Variants in GSE1 observed in about 807,000 individuals in gnomAD.
GSE1 encodes genetic suppressor element 1.
In GSE1, 32 loss-of-function variants were observed where a neutral mutation model predicts 112.6. The ratio of observed to expected loss-of-function variants is 0.28; its 90% CI spans 0.21 to 0.38. The LOEUF (loss-of-function observed/expected upper bound fraction) is 0.38. Among genes scored for constraint, GSE1 ranks in the 10% least tolerant of loss-of-function variants. The pLI, the probability that GSE1 is intolerant of heterozygous loss-of-function variation, is 1.00. For synonymous variants in GSE1, 1,115 were observed against 735.6 expected, an observed-to-expected ratio of 1.52 and a Z score of -8.35; for missense variants, 2,348 against 1,699.2, an observed-to-expected ratio of 1.38 and a Z score of -6.71.
intron 1 of GSE1, among the ~76,000 whole-genome samples, chr16:85,624,820 G>A (rs1031307828): frequency 2.6e-5 from 4 of 152,190 alleles, no homozygotes. Flanking sequence ...GGGACCCCAG[G>A]TACCGCCAAG....
In GSE1 at chr16:85,372,572, C is replaced by T. The variant is rs117902265; in HGVS notation, c.2464+14929C>T. Among the ~76,000 whole-genome samples the T allele has an allele frequency of 8.9e-3, 1,346 of 151,834 alleles. 10 individuals carry two copies. Among genetic ancestry groups the T allele is most frequent in the Middle Eastern group, 0.014 (4 of 288 alleles). Reference sequence around the variant, plus strand: ...AGTGCGCACCTCGTGCCCTTCTGCACGTGGGCTGGCTGCGAGGTAGTGAGC... The same window carrying T: ...AGTGCGCACCTCGTGCCCTTCTGCATGTGGGCTGGCTGCGAGGTAGTGAGC... On this transcript the variant is annotated intron_variant, in intron 2 of 2. Coordinates refer to the GSE1 transcript ENST00000637419.
intron 9 of GSE1, 44 bp downstream of exon 9, chr16:85,661,809 C>T: frequency 6.9e-7 from 1 of 1,448,748 alleles, no homozygotes; most frequent in Non-Finnish European, 9.1e-7. Flanking sequence ...GAGAGCCGCA[C>T]AGTGGGGATG....
In GSE1 at chr16:85,672,541, G is replaced by C. The variant is rs150429647; in HGVS notation, c.*2G>C. 6.2e-7 allele frequency: 1 copy of C among 1,600,008 alleles called. No individual in the cohort carries two copies. Among genetic ancestry groups the C allele is most frequent in the Non-Finnish European group, 8.6e-7 (1 of 1,169,230 alleles). ...TACCTGAAGGGATATCCCAGGTGAC[G>C]GTTTCCCTTGCACTAGGCCGAACCT... On this transcript the variant is annotated 3_prime_UTR_variant, in exon 16 of 16. Transcript: ENST00000253458.
chr16:85,523,738 A>G (rs1224951599), intron 2 of GSE1, among the ~76,000 whole-genome samples: 1 of 152,150 alleles, frequency 6.6e-6, no homozygotes, highest in South Asian at 2.1e-4. Context: ...AGACACTGAG[A>G]GTCTTAGCTG....
intron 2 of GSE1, among the ~76,000 whole-genome samples, chr16:85,360,801 A>T (rs964501406): frequency 1.4e-4 from 21 of 152,138 alleles, no homozygotes; most frequent in Admixed American, 7.2e-4. Context: ...ACATACGCAG[A>T]CACATGGGCA....
At chr16:85,320,558 G>C (rs1435277559) in intron 1 of GSE1, among the ~76,000 whole-genome samples, 4 of 152,164 alleles carry the variant, frequency 2.6e-5, no homozygotes, top group Non-Finnish European at 5.9e-5. Context: ...GCCTCCCAAA[G>C]TGCTGGGATT....
intron 2 of GSE1, among the ~76,000 whole-genome samples, chr16:85,464,833 A>C (rs916133336): frequency 2.0e-5 from 3 of 152,160 alleles, no homozygotes; most frequent in African/African-American, 7.2e-5. Context: ...GGCCTGTGTT[A>C]AGTGCTGGGT....
intron 1 of GSE1, among the ~76,000 whole-genome samples, chr16:85,315,623 G>A (rs1045509815): frequency 6.6e-6 from 1 of 152,196 alleles, no homozygotes; most frequent in South Asian, 2.1e-4. Context: ...CCTGCCTGGT[G>A]TGTGTAGACT....
At chr16:85,539,106 A>T (rs1178756478) in intron 2 of GSE1, among the ~76,000 whole-genome samples, 1 of 152,168 alleles carries the variant, frequency 6.6e-6, no homozygotes, top group African/African-American at 2.4e-5. Flanking sequence ...TAAGTGTCTT[A>T]ATTAAGGAGC....
At chr16:85,606,442 C>T (rs2047707098), upstream of GSE1, among the ~76,000 whole-genome samples, 1 of 152,256 alleles carries the variant, frequency 6.6e-6, no homozygotes, top group African/African-American at 2.4e-5. Flanking sequence ...CAGGTGCCCT[C>T]ACACAGCTGC....
In GSE1 at chr16:85,617,078, T is replaced by A. The variant is rs191048138; in HGVS notation, c.7+3680T>A. Among the ~76,000 whole-genome samples, 584 of 152,266 alleles carry A rather than the reference T, an allele frequency of 3.8e-3. 5 individuals carry two copies. Among genetic ancestry groups the A allele is most frequent in the African/African-American group, 0.013 (559 of 41,550 alleles). ...CTCGCCACTCCTGCGTTTGGCCACGTCCCTGTCCTAGCATGGGCCATCCCG... is the reference window on the plus strand; with the variant it reads ...CTCGCCACTCCTGCGTTTGGCCACGACCCTGTCCTAGCATGGGCCATCCCG... On this transcript the variant is annotated intron_variant, in intron 1 of 15. Transcript: ENST00000253458.
In GSE1 at chr16:85,223,149, TG is replaced by T. The variant is rs201672127; in HGVS notation, c.2283+51344del. Among the ~76,000 whole-genome samples the T allele has an allele frequency of 9.1e-3, 1,392 of 152,246 alleles. 10 individuals carry two copies. The highest frequency in any genetic ancestry group is 0.016 in the Non-Finnish European group (1,070 of 67,988). On this transcript the variant is annotated intron_variant, in intron 1 of 2. Transcript: ENST00000637419. ...AGGCAGAAAAAAGTCTTCAAGCCTATGGTTATTATAAATCCTACACGCTCCT... is the reference window on the plus strand; with the variant it reads ...AGGCAGAAAAAAGTCTTCAAGCCTATGTTATTATAAATCCTACACGCTCCT...
chr16:85,607,862 G>A (rs2047779250), upstream of GSE1, among the ~76,000 whole-genome samples: 1 of 152,232 alleles, frequency 6.6e-6, no homozygotes, highest in South Asian at 2.1e-4. Context: ...TGCCACTCTG[G>A]AGCAGGGAGT....
intron 2 of GSE1, among the ~76,000 whole-genome samples, chr16:85,534,801 C>T (rs528943011): frequency 6.6e-6 from 1 of 152,168 alleles, no homozygotes; most frequent in Non-Finnish European, 1.5e-5. Flanking sequence ...CTGTCTGTGA[C>T]GTCCGTCAGC....
intron 2 of GSE1, among the ~76,000 whole-genome samples, chr16:85,510,004 C>A (rs1006836224): frequency 6.6e-6 from 1 of 152,164 alleles, no homozygotes; most frequent in African/African-American, 2.4e-5. Flanking sequence ...CTGTTGGAAC[C>A]GCATTGAATG....
chr16:85,275,467 C>T (rs989728161), intron 1 of GSE1, among the ~76,000 whole-genome samples: 1 of 152,228 alleles, frequency 6.6e-6, no homozygotes, highest in Non-Finnish European at 1.5e-5. Context: ...GACTTTGCAT[C>T]CAGAAGTACC....
At chr16:85,450,338 G>A (rs1032184494) in intron 2 of GSE1, among the ~76,000 whole-genome samples, 2 of 151,804 alleles carry the variant, frequency 1.3e-5, no homozygotes, top group South Asian at 2.1e-4. Flanking sequence ...GGCTGGTCTC[G>A]AACTCCCGAC....
At chr16:85,303,012 C>G (rs949472627) in intron 1 of GSE1, among the ~76,000 whole-genome samples, 7 of 152,236 alleles carry the variant, frequency 4.6e-5, no homozygotes, top group African/African-American at 1.7e-4. Context: ...GGTGACGTCA[C>G]CTCGACCTAC....
At chr16:85,310,585 C>G (rs1174493331) in intron 1 of GSE1, among the ~76,000 whole-genome samples, 1 of 149,972 alleles carries the variant, frequency 6.7e-6, no homozygotes, top group African/African-American at 2.5e-5. Flanking sequence ...GTCCTTGTTG[C>G]TTCTCCCTTT....
Sources: allele counts gnomAD v4.1 joint callset (sites outside exome capture counted in the v4.1 genomes callset), GRCh38; gene constraint gnomAD v4.1.1; transcripts MANE v1.5; gene names NCBI Gene and HGNC (gene_info 2026-07-23, HGNC 2026-07-21).